Variants in BAIAP2L2 observed in about 807,000 individuals in gnomAD.
The protein encoded by BAIAP2L2 is BAR/IMD domain-containing adapter protein 2-like 2.
A neutral mutation model predicts 60.4 loss-of-function variants in BAIAP2L2; 65 were observed. The ratio of observed to expected loss-of-function variants is 1.08; its 90% CI spans 0.88 to 1.32. The LOEUF (loss-of-function observed/expected upper bound fraction) is 1.32. Among genes scored for constraint, BAIAP2L2 ranks in the 40% most tolerant of loss-of-function variants. BAIAP2L2 has a pLI of 0.00. For synonymous variants in BAIAP2L2, 344 were observed against 301.7 expected (o/e 1.14, Z -1.45); for missense variants, 836 against 741.2 (o/e 1.13, Z -1.48).
rs1210992217 is a variant in BAIAP2L2 at position 38,105,500 on chromosome 22, C to T, written c.276+2352G>A. Among the ~76,000 whole-genome samples the T allele has an allele frequency of 3.9e-5, 6 of 151,940 alleles. No individual in the cohort carries two copies. The South Asian group carries it at 8.3e-4, about 21-fold the overall frequency. ...GATTACAGGCGCCCGCCACCACATGCGCGGCTAATTTTTTGTATTTTTAGT... is the reference window on the plus strand; with the variant it reads ...GATTACAGGCGCCCGCCACCACATGTGCGGCTAATTTTTTGTATTTTTAGT... On this transcript the variant is annotated intron_variant, in intron 4 of 13. Coordinates refer to ENST00000381669, the MANE Select transcript of BAIAP2L2 (RefSeq NM_025045.6).
At chr22:38,087,890 A>ACCC (rs397824711) in intron 10 of BAIAP2L2, among the ~76,000 whole-genome samples, 224 of 115,880 alleles carry the variant, frequency 1.9e-3, no homozygotes, top group African/African-American at 7.1e-3. Context: ...CCAGTCAGTG[A>ACCC]CCCCCCCCCC....
chr22:38,086,200 C>T (rs1297667457), intron 12 of BAIAP2L2, 42 bp downstream of exon 12: 1 of 1,579,578 alleles, frequency 6.3e-7, no homozygotes, highest in African/African-American at 1.3e-5. Flanking sequence ...TCCTGCCTCC[C>T]TGCCCGCTGG....
Position 38,109,149 on chromosome 22 carries a change from G to A in BAIAP2L2, c.111C>T (p.Tyr37=), listed in dbSNP as rs1003730878. 1.9e-6 allele frequency: 3 copies of A among 1,612,930 alleles called. No individual in the cohort carries two copies. The highest frequency in any genetic ancestry group is 2.5e-6 in the Non-Finnish European group (3 of 1,179,534). ...GGCACTCACCGTGGAAGGCACGCAG[G>A]TAGTTGTTGCCCAGGTACACCAGGT... is the stretch of plus-strand genomic sequence containing the variant. ...LENLVYLGNN[Y]LRAFHALSEA... is the part of the protein sequence containing the mutation. Residue 37 remains tyrosine, a synonymous_variant, in exon 2 of 14, where the codon TAC becomes TAT. Transcript: ENST00000381669.
In BAIAP2L2 at chr22:38,089,106, C is replaced by T. The variant is rs1489246978; in HGVS notation, c.891G>A (p.Thr297=). Residue 297 remains threonine, a synonymous_variant, in exon 9 of 14, where the codon ACG becomes ACA. Transcript: ENST00000381669. ...GGCGGGGGCACTCACAGGCCGACGG[C>T]GTGCGGGGCAGGGAGCGACGGTCTG... ...LEPDRRSLPR[T]PSASSLYSGS... 5.1e-6 allele frequency: 7 copies of T among 1,374,532 alleles called. 1 individual carries two copies. The highest frequency in any genetic ancestry group is 3.0e-5 in the East Asian group (1 of 33,422). The allele number at this position is 1,374,532 out of a possible 1,614,324, so 85.1% of individuals were successfully genotyped here. A position where few individuals can be genotyped will look rare whatever the true frequency, so the allele number is the denominator to read the frequency against.
chr22:38,088,852 G>T lies in BAIAP2L2; in HGVS notation c.1014C>A (p.Gly338=). 1.3e-6 allele frequency: 2 copies of T among 1,597,146 alleles called. No homozygotes were observed. The highest frequency in any genetic ancestry group is 8.5e-7 in the Non-Finnish European group (1 of 1,178,750). ...AGAAGCGCAGCAGCGTGTGGTTGGC[G>T]CCCTCCGAGTGGGAGACCAGGGCGC... The part of the protein sequence containing the change: ...RVRALVSHSE[G]ANHTLLRFSA... Residue 338 remains glycine (G), a synonymous_variant, in exon 10 of 14, where the codon GGC becomes GGA. Transcript: ENST00000381669.
chr22:38,098,469 T>G lies in BAIAP2L2; in HGVS notation c.290A>C (p.His97Pro), dbSNP rs962391577. 1.2e-6 allele frequency: 2 copies of G among 1,613,684 alleles called. No individual in the cohort carries two copies. The highest frequency in any genetic ancestry group is 2.2e-5 in the East Asian group (1 of 44,854). ...SDLEVVVQTF[H>P]GGLLQHMEKN... is the part of the protein sequence containing the mutation. ...CTCCATGTGCTGCAGCAGGCCTCCA[T>G]GGAATGTCTGCACCTGAGCGGAGTG... is the stretch of plus-strand genomic sequence containing the variant. The change falls in exon 5 of 14, where the codon CAT becomes CCT. Residue 97 changes from histidine to proline, a missense_variant. Transcript: ENST00000381669.
chr22:38,087,058 C>T (rs2086104185), intron 11 of BAIAP2L2, 66 bp downstream of exon 11: 2 of 1,450,122 alleles, frequency 1.4e-6, no homozygotes, highest in Admixed American at 3.2e-5. Context: ...TGCAGATCCT[C>T]TCCGCTGGGC....
intron 13 of BAIAP2L2, 33 bp downstream of exon 13, chr22:38,085,653 C>G: frequency 6.2e-7 from 1 of 1,608,896 alleles, no homozygotes. Flanking sequence ...CTGCCACCCT[C>G]CTCACTGTTT....
intron 7 of BAIAP2L2, among the ~76,000 whole-genome samples, chr22:38,096,579 C>T (rs1602013327): frequency 6.6e-6 from 1 of 152,166 alleles, no homozygotes; most frequent in Middle Eastern, 3.4e-3. Flanking sequence ...CGCTTGAACC[C>T]GGGAGGGAGA....
intron 7 of BAIAP2L2, among the ~76,000 whole-genome samples, chr22:38,092,372 G>A (rs2086325500): frequency 6.6e-6 from 1 of 152,124 alleles, no homozygotes; most frequent in South Asian, 2.1e-4. Context: ...TGCCTCCCGG[G>A]TTCAAGCCAT....
intron 8 of BAIAP2L2, 27 bp from the exon 9 acceptor site, chr22:38,089,258 TGGGGCGGG>T (rs2086208722): frequency 7.2e-5 from 2 of 27,710 alleles, no homozygotes; most frequent in African/African-American, 2.4e-3. Flanking sequence ...CAGGGGAGGG[TGGGGCGGG>T]GGGGGGGGGG....
rs1489942057 is a variant in BAIAP2L2, at chr22:38,098,154, T to G, written c.374A>C (p.Glu125Ala). The change falls in exon 6 of 14, where the codon GAG becomes GCG. Residue 125 changes from glutamate to alanine, a missense_variant. Glu to Ala is a moderately radical substitution (Grantham distance 107). Transcript: ENST00000381669. ...IKDSRQHYELEYRHRAANLEK... is the reference protein window; with the variant it reads ...IKDSRQHYELAYRHRAANLEK... ...CAGGTTGGCCGCTCGGTGGCGGTACTCGAGCTCATAGTGCTGGCGGCTGTC... is the reference window on the plus strand; with the variant it reads ...CAGGTTGGCCGCTCGGTGGCGGTACGCGAGCTCATAGTGCTGGCGGCTGTC... 6.2e-7 allele frequency: 1 copy of G among 1,614,116 alleles called. No homozygotes were observed. The highest frequency in any genetic ancestry group is 1.3e-5 in the African/African-American group (1 of 75,052).
intron 2 of BAIAP2L2, among the ~76,000 whole-genome samples, 200 bp from the exon 3 acceptor site, chr22:38,108,541 G>T (rs144724028): frequency 2.0e-5 from 3 of 152,156 alleles, no homozygotes; most frequent in Non-Finnish European, 4.4e-5. Flanking sequence ...GGGAGGTGGC[G>T]TGGAAAGCAT....
At chr22:38,105,326 C>T (rs5750536) in intron 4 of BAIAP2L2, among the ~76,000 whole-genome samples, 65,110 of 147,816 alleles carry the variant, frequency 0.44, 15,846 homozygotes, top group South Asian at 0.63. Flanking sequence ...CCTCCTTCAG[C>T]CCTTTTTCTT....
At position 38,085,153 on chromosome 22, in the gene BAIAP2L2, GC is replaced by G; in HGVS notation, c.*146del. ...AAGCCAGTGCTTTGGAGCTGCTCAGGCTGCCGGGGTGGTCTGGGGAGGGCAG... is the reference window on the plus strand; with the variant it reads ...AAGCCAGTGCTTTGGAGCTGCTCAGGTGCCGGGGTGGTCTGGGGAGGGCAG... On this transcript the variant is annotated 3_prime_UTR_variant, in exon 14 of 14. Coordinates refer to ENST00000381669, the MANE Select transcript of BAIAP2L2 (RefSeq NM_025045.6). 1 of 759,828 alleles carries G rather than the reference GC, an allele frequency of 1.3e-6. No individual in the cohort carries two copies. Among genetic ancestry groups the G allele is most frequent in the Non-Finnish European group, 2.1e-6 (1 of 466,508 alleles). 47.1% of individuals were successfully genotyped at this position (759,828 alleles called of 1,614,324 possible). A position where few individuals can be genotyped will look rare whatever the true frequency, so the allele number is the denominator to read the frequency against.
chr22:38,106,372 T>G (rs1398525391), intron 4 of BAIAP2L2, among the ~76,000 whole-genome samples: 1 of 151,522 alleles, frequency 6.6e-6, no homozygotes. Context: ...ATAAAAAAAT[T>G]AGCCAGGCAT....
At chr22:38,109,298 A>T in intron 1 of BAIAP2L2, 90 bp from the exon 2 acceptor site, 8 of 1,041,460 alleles carry the variant, frequency 7.7e-6, no homozygotes, top group Non-Finnish European at 1.2e-5. Context: ...GGCGTCAGGG[A>T]CAGGGCACCC....
At chr22:38,095,467 CAATGCTCCTGCCTCAGCCTCCTGAGT>C (rs1481332068) in intron 7 of BAIAP2L2, among the ~76,000 whole-genome samples, 7 of 152,116 alleles carry the variant, frequency 4.6e-5, no homozygotes, top group Non-Finnish European at 2.9e-5. Context: ...CAGGTTCAAG[CAATGCTCCTGCCTCAGCCTCCTGAGT>C]AGCTGGGATT....
At chr22:38,088,723 C>T (rs369670314) in intron 10 of BAIAP2L2, 25 bp downstream of exon 10, 20 of 1,544,470 alleles carry the variant, frequency 1.3e-5, no homozygotes, top group African/African-American at 1.1e-4. Flanking sequence ...AACCCACCCC[C>T]GGCCCCTCCA....
Sources: gnomAD v4.1 joint callset for allele counts (sites outside exome capture counted in the v4.1 genomes callset) on GRCh38, gnomAD v4.1.1 for gene constraint, MANE v1.5 for transcripts, NCBI Gene and HGNC (gene_info 2026-07-23, HGNC 2026-07-21) for gene names.